Variants in HSDL1 observed in about 807,000 individuals in gnomAD.
The protein encoded by HSDL1 is inactive hydroxysteroid dehydrogenase-like protein 1.
Under a neutral mutation model 31.5 loss-of-function variants are expected in HSDL1, and 29 were observed. That is an observed-to-expected ratio of 0.92 (90% CI 0.69 to 1.26). The LOEUF (loss-of-function observed/expected upper bound fraction) is 1.26, where lower values mean the gene tolerates loss of function less well. HSDL1 is among the 50% of genes most tolerant of loss of function. HSDL1 has a pLI of 0.00. For missense variants in HSDL1, 503 were observed against 416.6 expected (o/e 1.21, Z -1.81); for synonymous variants, 222 against 155.2 (o/e 1.43, Z -3.20).
At chr16:84,140,006 A>G (rs368252897) in intron 1 of HSDL1, among the ~76,000 whole-genome samples, 12 of 152,180 alleles carry the variant, frequency 7.9e-5, no homozygotes, top group East Asian at 7.7e-4. Flanking sequence ...CCTCCGTTCA[A>G]TCACTTCCTA....
intron 1 of HSDL1, chr16:84,139,397 C>T (rs900956460): frequency 6.6e-6 from 1 of 152,208 alleles, no homozygotes; most frequent in Non-Finnish European, 1.5e-5. Context: ...GTGCTCTGTG[C>T]TGCTGGTTTC....
At chr16:84,137,904 A>T (rs1429822485) in intron 1 of HSDL1, among the ~76,000 whole-genome samples, 1 of 152,240 alleles carries the variant, frequency 6.6e-6, no homozygotes, top group African/African-American at 2.4e-5. Context: ...GTATCTGACT[A>T]GTTACTGTTT....
At chr16:84,144,379 A>T (rs1226875715) in intron 1 of HSDL1, 1 of 152,184 alleles carries the variant, frequency 6.6e-6, no homozygotes, top group East Asian at 1.9e-4. Flanking sequence ...AGTCACCTGT[A>T]CACATCATGT....
chr16:84,124,715 T>C lies in HSDL1; in HGVS notation c.908A>G (p.Gln303Arg), dbSNP rs2086585974. 1 of 1,612,422 alleles carries C rather than the reference T, an allele frequency of 6.2e-7. No homozygotes were observed. Among genetic ancestry groups the C allele is most frequent in the African/African-American group, 1.3e-5 (1 of 74,890 alleles). ...CACCCAGAGCCATTCAGGCATATAC[T>C]GTGCAAAAAGAAACTAAAAATGAAA... ...WSHSIQFLFA[Q>R]YMPEWLWVWG... The change falls in exon 6 of 6, where the codon CAG becomes CGG. Residue 303 changes from glutamine (Q) to arginine (R), a missense_variant. By Grantham distance (43) the Gln-to-Arg change is conservative. Transcript: ENST00000219439.
rs765806719 is a variant in HSDL1, at chr16:84,130,084, G to A, written c.568C>T (p.Pro190Ser). Reference protein sequence around the residue: ...AASLMVHVVLPGMVERKKGAI... With the variant: ...AASLMVHVVLSGMVERKKGAI... ...CCTTTCTTTCTCTCCACCATTCCCG[G>A]TAACACAACATGGACCATCAAACTA... is the stretch of plus-strand genomic sequence containing the variant. Residue 190 changes from proline (P) to serine (S), a missense_variant, in exon 4 of 6, where the codon CCG becomes TCG. Transcript: ENST00000219439. 1 of 1,614,100 alleles carries A rather than the reference G, an allele frequency of 6.2e-7. No individual in the cohort carries two copies. Among genetic ancestry groups the A allele is most frequent in the Admixed American group, 1.7e-5 (1 of 60,014 alleles).
At chr16:84,128,658 T>G (rs901047835) in intron 5 of HSDL1, among the ~76,000 whole-genome samples, 1 of 152,162 alleles carries the variant, frequency 6.6e-6, no homozygotes, top group Admixed American at 6.5e-5. Context: ...GAAATTCCCA[T>G]GTAAATACTT....
At chr16:84,141,123 G>A (rs2086765808) in intron 1 of HSDL1, among the ~76,000 whole-genome samples, 1 of 151,402 alleles carries the variant, frequency 6.6e-6, no homozygotes, top group African/African-American at 2.4e-5. Flanking sequence ...GCTAAGTTTC[G>A]CCTGGTTTTG....
In HSDL1 at chr16:84,129,590, C is replaced by T; in HGVS notation, c.852G>A (p.Gly284=). 6.2e-7 allele frequency: 1 copy of T among 1,614,148 alleles called. No homozygotes were observed. Among genetic ancestry groups the T allele is most frequent in the East Asian group, 2.2e-5 (1 of 44,882 alleles). The part of the protein sequence containing the change: ...VYAHHAVSTL[G]ISKRTTGYWS... ...AATATCCTGTGGTCCTTTTGGAAAT[C>T]CCAAGAGTAGAAACAGCATGATGTG... The change falls in exon 5 of 6, where the codon GGG becomes GGA. Residue 284 remains glycine, a synonymous_variant. Coordinates refer to ENST00000219439, the MANE Select transcript of HSDL1 (RefSeq NM_031463.5).
At chr16:84,129,031 G>T (rs1378671676) in intron 5 of HSDL1, among the ~76,000 whole-genome samples, 1 of 152,080 alleles carries the variant, frequency 6.6e-6, no homozygotes, top group Non-Finnish European at 1.5e-5. Flanking sequence ...TTCACTTTAA[G>T]GTGCCACATA....
Position 84,131,200 on chromosome 16 carries a change from A to C in HSDL1, c.122T>G (p.Ile41Ser). ...CCTGATCAGGCTGTAAAAGTCACAG[A>C]TGACAGTGATGCTTTTTCTGGCCGT... ...WYTARKSITV[I>S]CDFYSLIRLH... The change falls in exon 3 of 6, where the codon ATC becomes AGC. Residue 41 changes from isoleucine to serine, a missense_variant. Ile to Ser is a moderately radical substitution (Grantham distance 142). Coordinates refer to ENST00000219439, the MANE Select transcript of HSDL1 (RefSeq NM_031463.5). 6.2e-7 allele frequency: 1 copy of C among 1,614,124 alleles called. No individual in the cohort carries two copies. Among genetic ancestry groups the C allele is most frequent in the Non-Finnish European group, 8.5e-7 (1 of 1,179,982 alleles).
chr16:84,128,247 C>T (rs1030185844), intron 5 of HSDL1, among the ~76,000 whole-genome samples: 1 of 151,504 alleles, frequency 6.6e-6, no homozygotes, highest in Non-Finnish European at 1.5e-5. Context: ...CAAGATCGCA[C>T]CATTACACTC....
At chr16:84,141,573 A>G (rs1053480705) in intron 1 of HSDL1, among the ~76,000 whole-genome samples, 2 of 152,228 alleles carry the variant, frequency 1.3e-5, no homozygotes, top group African/African-American at 4.8e-5. Context: ...CATGCATTCC[A>G]CTGCCAAATG....
At chr16:84,130,543 C>G in intron 3 of HSDL1, 112 bp from the exon 4 acceptor site, 2 of 840,840 alleles carry the variant, frequency 2.4e-6, no homozygotes, top group Non-Finnish European at 3.7e-6. Flanking sequence ...CACTAGAAAT[C>G]AAGTCGGTTC....
chr16:84,139,114 G>C (rs954225386), intron 1 of HSDL1: 1 of 152,306 alleles, frequency 6.6e-6, no homozygotes, highest in Non-Finnish European at 1.5e-5. Context: ...AAAGCAAGCA[G>C]GATGGAAAAA....
intron 2 of HSDL1, among the ~76,000 whole-genome samples, chr16:84,134,389 G>A (rs747420817): frequency 8.5e-5 from 13 of 152,074 alleles, no homozygotes; most frequent in Admixed American, 3.9e-4. Context: ...TTGGGAGGCC[G>A]AGGTGGGCAG....
At chr16:84,134,379 T>A (rs2086694097) in intron 2 of HSDL1, among the ~76,000 whole-genome samples, 1 of 152,100 alleles carries the variant, frequency 6.6e-6, no homozygotes, top group African/African-American at 2.4e-5. Flanking sequence ...TCCCAGCACT[T>A]TGGGAGGCCG....
At chr16:84,138,572 C>T (rs1393194899) in intron 1 of HSDL1, among the ~76,000 whole-genome samples, 1 of 152,174 alleles carries the variant, frequency 6.6e-6, no homozygotes, top group Non-Finnish European at 1.5e-5. Flanking sequence ...TCATGTTGTA[C>T]ACCTTAAATT....
At chr16:84,143,751 C>A (rs970555806) in intron 1 of HSDL1, among the ~76,000 whole-genome samples, 46 of 151,630 alleles carry the variant, frequency 3.0e-4, no homozygotes, top group African/African-American at 1.1e-3. Flanking sequence ...AACCCCAGAA[C>A]TTTGGGAGGC....
intron 1 of HSDL1, among the ~76,000 whole-genome samples, chr16:84,136,739 G>A (rs1006437906): frequency 1.3e-4 from 20 of 152,226 alleles, no homozygotes; most frequent in African/African-American, 3.6e-4. Flanking sequence ...GAGCGCCATC[G>A]TGTGCAAGTA....
Sources: gnomAD v4.1 joint callset for allele counts (sites outside exome capture counted in the v4.1 genomes callset) on GRCh38, gnomAD v4.1.1 for gene constraint, MANE v1.5 for transcripts, NCBI Gene and HGNC (gene_info 2026-07-23, HGNC 2026-07-21) for gene names.